The following RIMS2 variants were observed in gnomAD, a reference collection of about 807,000 sequenced individuals.
RIMS2 encodes the protein regulating synaptic membrane exocytosis protein 2.
Under a neutral mutation model 174.4 loss-of-function variants are expected in RIMS2, and 59 were observed. The observed-to-expected ratio is 0.34, with a 90% CI of 0.27 to 0.42. The LOEUF (loss-of-function observed/expected upper bound fraction) is 0.42, where lower values mean the gene tolerates loss of function less well. RIMS2 is among the 10% of genes least tolerant of loss of function. The pLI is 1.00. For synonymous variants in RIMS2, 606 were observed against 572.5 expected (o/e 1.06, Z -0.84); for missense variants, 1,620 against 1,666.3 (o/e 0.97, Z 0.48).
chr8:103,940,657 C>T (rs549601507), intron 13 of RIMS2, among the ~76,000 whole-genome samples: 1 of 152,056 alleles, frequency 6.6e-6, no homozygotes, highest in East Asian at 1.9e-4. Flanking sequence ...GGGCAGATCA[C>T]CTGAGGTCAG....
intron 4 of RIMS2, among the ~76,000 whole-genome samples, chr8:103,901,462 T>C (rs1272147968): frequency 6.6e-6 from 1 of 152,182 alleles, no homozygotes; most frequent in African/African-American, 2.4e-5. Flanking sequence ...TAATTAACAC[T>C]TGGGCTTGAT....
intron 14 of RIMS2, among the ~76,000 whole-genome samples, chr8:103,955,213 C>G (rs1406763436): frequency 6.6e-6 from 1 of 152,148 alleles, no homozygotes; most frequent in Non-Finnish European, 1.5e-5. Context: ...CTACCCCAAA[C>G]AGTAGAAAAA....
intron 1 of RIMS2, among the ~76,000 whole-genome samples, chr8:103,574,112 C>T (rs1463684604): frequency 2.0e-5 from 3 of 151,494 alleles, no homozygotes; most frequent in South Asian, 2.1e-4. Flanking sequence ...TTCATCTGGC[C>T]AGTGTATGTA....
chr8:104,080,332 A>T (rs932258679), intron 19 of RIMS2, among the ~76,000 whole-genome samples: 18 of 152,022 alleles, frequency 1.2e-4, no homozygotes, highest in African/African-American at 4.1e-4. Context: ...AAATTATTTA[A>T]TCTCAGAGCC....
intron 19 of RIMS2, among the ~76,000 whole-genome samples, chr8:104,123,081 A>G (rs2132442206): frequency 6.6e-6 from 1 of 152,266 alleles, no homozygotes; most frequent in African/African-American, 2.4e-5. Context: ...TGCTGAATAC[A>G]TTAGACTGAA....
chr8:104,057,093 G>T (rs1246896305), intron 19 of RIMS2, among the ~76,000 whole-genome samples: 1 of 146,016 alleles, frequency 6.8e-6, no homozygotes, highest in East Asian at 2.0e-4. Context: ...TTGAGACAAG[G>T]TCTCACTCTG....
At chr8:103,944,416 G>C (rs748347736) in intron 14 of RIMS2, among the ~76,000 whole-genome samples, 3 of 151,996 alleles carry the variant, frequency 2.0e-5, no homozygotes, top group Non-Finnish European at 2.9e-5. Flanking sequence ...TATATTTTAT[G>C]TACTAATTCT....
At chr8:103,984,513 C>T (rs2094192452) in intron 16 of RIMS2, among the ~76,000 whole-genome samples, 1 of 152,200 alleles carries the variant, frequency 6.6e-6, no homozygotes, top group African/African-American at 2.4e-5. Flanking sequence ...CATGTTATCT[C>T]ACTCCAGTCA....
intron 19 of RIMS2, among the ~76,000 whole-genome samples, chr8:104,146,176 C>T (rs1461490540): frequency 1.8e-5 from 2 of 112,304 alleles, no homozygotes; most frequent in African/African-American, 7.0e-5. Flanking sequence ...CCAGCCCGGG[C>T]AACACAGTGA....
At chr8:103,643,126 T>C (rs950210093) in intron 1 of RIMS2, among the ~76,000 whole-genome samples, 1 of 152,068 alleles carries the variant, frequency 6.6e-6, no homozygotes, top group Non-Finnish European at 1.5e-5. Context: ...TTTTCAGTTT[T>C]AGAAGTTTTT....
intron 17 of RIMS2, among the ~76,000 whole-genome samples, chr8:104,009,151 TATTA>T: frequency 6.6e-6 from 1 of 152,104 alleles, no homozygotes; most frequent in East Asian, 1.9e-4. Context: ...ATATATGCTA[TATTA>T]ATTATTCTAA....
intron 19 of RIMS2, among the ~76,000 whole-genome samples, chr8:104,222,580 A>G (rs1563840717): frequency 6.6e-6 from 1 of 152,334 alleles, no homozygotes; most frequent in East Asian, 1.9e-4. Flanking sequence ...TAAGGCAGTC[A>G]TCTGATTCCT....
chr8:103,697,728 A>T (rs1437986611), intron 2 of RIMS2, among the ~76,000 whole-genome samples: 1 of 152,044 alleles, frequency 6.6e-6, no homozygotes, highest in Non-Finnish European at 1.5e-5. Flanking sequence ...ACCTTGTCTC[A>T]AAAAAGAAAA....
intron 1 of RIMS2, among the ~76,000 whole-genome samples, chr8:103,601,799 T>G (rs1329634518): frequency 1.3e-5 from 2 of 152,144 alleles, no homozygotes; most frequent in Admixed American, 6.5e-5. Flanking sequence ...TTTTTATTTT[T>G]TATGTATCTG....
intron 1 of RIMS2, among the ~76,000 whole-genome samples, chr8:103,611,398 A>T (rs189250460): frequency 1.3e-5 from 2 of 152,008 alleles, no homozygotes; most frequent in African/African-American, 4.8e-5. Flanking sequence ...ATGCTTAGTG[A>T]GTTTTGTGTT....
At chr8:103,778,261 G>C (rs1042448391) in intron 3 of RIMS2, among the ~76,000 whole-genome samples, 7 of 151,942 alleles carry the variant, frequency 4.6e-5, no homozygotes, top group African/African-American at 1.7e-4. Flanking sequence ...CTTTATGCTG[G>C]TAATATTCAA....
chr8:103,826,247 T>G (rs1331228403), intron 3 of RIMS2, among the ~76,000 whole-genome samples: 1 of 152,158 alleles, frequency 6.6e-6, no homozygotes, highest in Non-Finnish European at 1.5e-5. Context: ...AATTTACTAA[T>G]TGTCTTCCAT....
At chr8:103,760,180 T>G (rs944783848) in intron 2 of RIMS2, among the ~76,000 whole-genome samples, 1 of 152,176 alleles carries the variant, frequency 6.6e-6, no homozygotes, top group African/African-American at 2.4e-5. Flanking sequence ...ATGCTTAAGG[T>G]TAAAGCTCTC....
At chr8:103,854,546 T>G (rs2099016615) in intron 3 of RIMS2, among the ~76,000 whole-genome samples, 1 of 151,846 alleles carries the variant, frequency 6.6e-6, no homozygotes, top group African/African-American at 2.4e-5. Context: ...TTGCCTAGTT[T>G]GTTGAGGGTT....
Sources: gnomAD v4.1 joint callset for allele counts (sites outside exome capture counted in the v4.1 genomes callset) on GRCh38, gnomAD v4.1.1 for gene constraint, MANE v1.5 for transcripts, NCBI Gene and HGNC (gene_info 2026-07-23, HGNC 2026-07-21) for gene names.